The following HDAC9 variants were observed in gnomAD, a reference collection of about 807,000 sequenced individuals.
The protein encoded by HDAC9 is MEF-2 interacting transcription repressor (MITR) protein.
A neutral mutation model predicts 139.4 loss-of-function variants in HDAC9; 41 were observed. The ratio of observed to expected loss-of-function variants is 0.29; its 90% confidence interval spans 0.23 to 0.38. HDAC9 has a LOEUF of 0.38. Ranked by LOEUF, HDAC9 falls within the 10% of genes least tolerant of loss-of-function variation. The probability of loss-of-function intolerance (pLI) is 1.00; values close to 1 mark genes in which losing one functional copy is unlikely to be tolerated. For synonymous variants in HDAC9, 517 were observed against 476.2 expected (o/e 1.09, Z -1.12); for missense variants, 1,147 against 1,297.0 (o/e 0.88, Z 1.78).
chr7:18,381,344 T>C (rs531988231), intron 1 of HDAC9, among the ~76,000 whole-genome samples: 3 of 152,076 alleles, frequency 2.0e-5, no homozygotes, highest in Non-Finnish European at 4.4e-5. Context: ...ATAATTAACA[T>C]GGTTGAATAA....
chr7:18,344,781 G>A (rs942567465), intron 1 of HDAC9, among the ~76,000 whole-genome samples: 2 of 151,986 alleles, frequency 1.3e-5, no homozygotes, highest in African/African-American at 4.8e-5. Flanking sequence ...CTGTTACTGG[G>A]AATGTACTGT....
At chr7:18,301,896 A>G (rs943420525) in intron 1 of HDAC9, among the ~76,000 whole-genome samples, 1 of 152,344 alleles carries the variant, frequency 6.6e-6, no homozygotes, top group East Asian at 1.9e-4. Context: ...AAATCACCAT[A>G]GAATTCAAGA....
At chr7:18,511,712 A>G (rs371940327) in intron 2 of HDAC9, among the ~76,000 whole-genome samples, 2 of 152,160 alleles carry the variant, frequency 1.3e-5, no homozygotes, top group South Asian at 4.2e-4. Flanking sequence ...TGGGCACTCA[A>G]CCAACAGGTA....
At position 18,859,848 on chromosome 7, in the gene HDAC9, ATATATATAT is replaced by A. The variant is rs1314486381; in HGVS notation, c.2685-14629_2685-14621del. Among the ~76,000 whole-genome samples, 6 of 122,298 alleles carry A rather than the reference ATATATATAT, an allele frequency of 4.9e-5. No homozygotes were observed. In the East Asian group the frequency reaches 1.5e-3, roughly 30 times the overall value. 80.2% of individuals were successfully genotyped at this position (122,298 alleles called of 152,430 possible). On this transcript the variant is annotated intron_variant, in intron 21 of 25. Coordinates refer to ENST00000686413, the MANE Select transcript of HDAC9 (RefSeq NM_178425.4). ...TATATATATATATATATATATATATATATATATATATGTGAGAGAATGAGAGAGAGAGAA... is the reference window on the plus strand; with the variant it reads ...TATATATATATATATATATATATATAATGTGAGAGAATGAGAGAGAGAGAA...
chr7:18,169,863 T>C (rs928886177), intron 2 of HDAC9, among the ~76,000 whole-genome samples: 4 of 152,258 alleles, frequency 2.6e-5, no homozygotes, highest in Non-Finnish European at 4.4e-5. Flanking sequence ...CTATCATTGA[T>C]GGACATTTAG....
At chr7:18,594,885 A>G (rs3814986) in intron 6 of HDAC9, among the ~76,000 whole-genome samples, 4,126 of 152,158 alleles carry the variant, frequency 0.027, 133 homozygotes, top group African/African-American at 0.074. Context: ...TATTCATGTA[A>G]GATAGCTTGG....
intron 1 of HDAC9, among the ~76,000 whole-genome samples, chr7:18,347,612 T>C (rs1782518609): frequency 6.6e-6 from 1 of 152,168 alleles, no homozygotes; most frequent in South Asian, 2.1e-4. Flanking sequence ...TACGTTATTT[T>C]ATTTTATTTT....
intron 2 of HDAC9, among the ~76,000 whole-genome samples, chr7:18,252,301 G>T (rs1050486477): frequency 2.0e-5 from 3 of 152,206 alleles, no homozygotes; most frequent in African/African-American, 7.2e-5. Context: ...ACTACAGGCA[G>T]ATTGTCTGAA....
chr7:18,625,720 G>T (rs1335055597), intron 6 of HDAC9, among the ~76,000 whole-genome samples: 1 of 151,958 alleles, frequency 6.6e-6, no homozygotes, highest in African/African-American at 2.4e-5. Flanking sequence ...CGAGGCGAGT[G>T]GATCACCTGA....
At chr7:18,432,697 C>G (rs544136856) in intron 1 of HDAC9, among the ~76,000 whole-genome samples, 5 of 152,188 alleles carry the variant, frequency 3.3e-5, no homozygotes, top group African/African-American at 9.6e-5. Context: ...CCTGTAATCC[C>G]GTCACTTTGG....
chr7:18,299,156 A>C (rs1252444763), intron 1 of HDAC9, among the ~76,000 whole-genome samples: 1 of 152,064 alleles, frequency 6.6e-6, no homozygotes, highest in Non-Finnish European at 1.5e-5. Context: ...TTTATGCAAG[A>C]GTAAGATTTT....
intron 1 of HDAC9, among the ~76,000 whole-genome samples, chr7:18,388,286 T>A (rs1786130718): frequency 6.6e-6 from 1 of 152,210 alleles, no homozygotes; most frequent in African/African-American, 2.4e-5. Flanking sequence ...AGGTTCTCCC[T>A]TGACACTGAT....
chr7:18,271,724 A>G (rs1796369201), intron 2 of HDAC9, among the ~76,000 whole-genome samples: 1 of 152,138 alleles, frequency 6.6e-6, no homozygotes. Flanking sequence ...TGTGCTCCTG[A>G]CACCCCATGC....
intron 1 of HDAC9, among the ~76,000 whole-genome samples, chr7:18,371,690 T>G (rs1224612557): frequency 3.9e-5 from 6 of 152,208 alleles, no homozygotes; most frequent in Admixed American, 6.6e-5. Context: ...TTCTCATACC[T>G]TTTTAATATG....
chr7:18,916,489 T>C (rs1174874791), intron 22 of HDAC9, among the ~76,000 whole-genome samples: 2 of 151,942 alleles, frequency 1.3e-5, no homozygotes, highest in South Asian at 4.2e-4. Context: ...GAGATAGAGA[T>C]AGAAGCTATT....
Position 18,150,748 on chromosome 7 carries a change from C to A in HDAC9, c.-96-11481C>A, listed in dbSNP as rs181504950. Among the ~76,000 whole-genome samples, 638 of 152,302 alleles carry A rather than the reference C, an allele frequency of 4.2e-3. 1 individual carries two copies. The highest frequency in any genetic ancestry group is 6.6e-3 in the Non-Finnish European group (451 of 68,018). ...TAAACAGGTTTTATTTTCCCAATATCACTCGATTCTCAGACTCTTGAAGAT... is the reference window on the plus strand; with the variant it reads ...TAAACAGGTTTTATTTTCCCAATATAACTCGATTCTCAGACTCTTGAAGAT... On this transcript the variant is annotated intron_variant, in intron 1 of 12. Transcript: ENST00000417496.
intron 17 of HDAC9, among the ~76,000 whole-genome samples, chr7:18,808,626 A>G (rs1793925360): frequency 6.6e-6 from 1 of 152,096 alleles, no homozygotes; most frequent in Non-Finnish European, 1.5e-5. Flanking sequence ...AAACTATAAA[A>G]CATTGATGGG....
chr7:18,226,419 A>C (rs1369884159), intron 2 of HDAC9, among the ~76,000 whole-genome samples: 1 of 152,128 alleles, frequency 6.6e-6, no homozygotes, highest in Non-Finnish European at 1.5e-5. Context: ...CTCCCAGGAA[A>C]AAAAAAAGGG....
intron 12 of HDAC9, among the ~76,000 whole-genome samples, chr7:18,669,966 T>C (rs1001159074): frequency 4.6e-5 from 7 of 151,922 alleles, no homozygotes; most frequent in Admixed American, 2.6e-4. Context: ...TGCTCCTTTT[T>C]TTCAAAGGAT....
Sources: gnomAD v4.1 joint callset for allele counts (sites outside exome capture counted in the v4.1 genomes callset) on GRCh38, gnomAD v4.1.1 for gene constraint, MANE v1.5 for transcripts, NCBI Gene and HGNC (gene_info 2026-07-23, HGNC 2026-07-21) for gene names.